Variants in RNPC3 observed in about 807,000 individuals in gnomAD.
The protein encoded by RNPC3 is RNA binding region (RNP1, RRM) containing 3, also known as RNA-binding region-containing protein 3.
A neutral mutation model predicts 67.5 loss-of-function variants in RNPC3; 48 were observed. The observed-to-expected ratio is 0.71, with a 90% confidence interval of 0.56 to 0.90. The LOEUF (loss-of-function observed/expected upper bound fraction) is 0.90. Ranked by LOEUF, RNPC3 falls within the 40% of genes least tolerant of loss-of-function variation. The pLI is 0.00. For synonymous variants in RNPC3, 239 were observed against 210.3 expected (o/e 1.14, Z -1.18); for missense variants, 637 against 626.1 (o/e 1.02, Z -0.19).
intron 2 of RNPC3, among the ~76,000 whole-genome samples, chr1:103,529,759 G>T (rs1650801663): frequency 6.6e-6 from 1 of 152,156 alleles, no homozygotes; most frequent in Admixed American, 6.5e-5. Flanking sequence ...ATGATGTAAG[G>T]CAGGGATCCT....
rs1557756569 is a variant in RNPC3, at chr1:103,533,825, A to G, written c.327A>G (p.Pro109=). 13 of 1,527,062 alleles carry G rather than the reference A, an allele frequency of 8.5e-6. No homozygotes were observed. Among genetic ancestry groups the G allele is most frequent in the Non-Finnish European group, 1.1e-5 (12 of 1,138,816 alleles). The allele number at this position is 1,527,062 out of a possible 1,614,324, so 94.6% of individuals were successfully genotyped here. ...FAKEQDRVHS[P]CPTSGSEKKK... is the part of the protein sequence containing the mutation. The stretch of plus-strand genomic sequence containing the variant: ...AAGAGCAAGATCGAGTTCACTCCCC[A>G]TGTCCCACTTCAGGCTCTGAAAAAA... Residue 109 remains proline, a synonymous_variant, in exon 3 of 15, where the codon CCA becomes CCG. Coordinates refer to ENST00000423855, the MANE Select transcript of RNPC3 (RefSeq NM_017619.4).
chr1:103,532,018 T>C (rs1292788814), intron 2 of RNPC3, among the ~76,000 whole-genome samples: 2 of 152,116 alleles, frequency 1.3e-5, no homozygotes, highest in Non-Finnish European at 2.9e-5. Context: ...AGGTGAGAGA[T>C]GAGGATCCAG....
intron 12 of RNPC3, among the ~76,000 whole-genome samples, chr1:103,549,639 C>G (rs1192674101): frequency 1.3e-5 from 2 of 152,066 alleles, no homozygotes; most frequent in African/African-American, 4.8e-5. Context: ...TTCTAAGTAG[C>G]TTTTGACTAT....
chr1:103,541,421 G>GA lies in RNPC3; in HGVS notation c.845dup (p.Arg283GlufsTer29). 2 of 1,492,386 alleles carry GA rather than the reference G, an allele frequency of 1.3e-6. No individual in the cohort carries two copies. The highest frequency in any genetic ancestry group is 1.8e-6 in the Non-Finnish European group (2 of 1,132,426). 92.4% of individuals were successfully genotyped at this position (1,492,386 alleles called of 1,614,324 possible). ...AAAACAATAAAGCAGCGCCATGTGA[G>GA]AAAAAAGAGAAAAATAAAGGATATG... is the stretch of plus-strand genomic sequence containing the variant. On this transcript the variant is annotated frameshift_variant, in exon 8 of 15. Coordinates refer to ENST00000423855, the MANE Select transcript of RNPC3 (RefSeq NM_017619.4). LOFTEE classifies it high-confidence loss of function.
chr1:103,542,660 G>A (rs1651149465), intron 8 of RNPC3, among the ~76,000 whole-genome samples: 1 of 151,620 alleles, frequency 6.6e-6, no homozygotes, highest in Admixed American at 6.6e-5. Flanking sequence ...AATGATACTT[G>A]TTTTATACAT....
At chr1:103,551,333 A>G (rs1651382086) in intron 13 of RNPC3, 1 of 423,176 alleles carries the variant, frequency 2.4e-6, no homozygotes, top group Non-Finnish European at 4.2e-6. Flanking sequence ...GTACATAGGC[A>G]TGCTAAGAGA....
intron 12 of RNPC3, among the ~76,000 whole-genome samples, chr1:103,548,091 CT>C (rs776035958): frequency 5.6e-4 from 86 of 152,308 alleles, no homozygotes; most frequent in Non-Finnish European, 1.1e-3. Context: ...CACAGGGACC[CT>C]GGGCCCGGCC....
In RNPC3 at chr1:103,535,458, T is replaced by G. The variant is rs1030071517; in HGVS notation, c.555+17T>G. 3 of 1,470,878 alleles carry G rather than the reference T, an allele frequency of 2.0e-6. No individual in the cohort carries two copies. Among genetic ancestry groups the G allele is most frequent in the Non-Finnish European group, 2.8e-6 (3 of 1,090,420 alleles). The allele number at this position is 1,470,878 out of a possible 1,614,324, so 91.1% of individuals were successfully genotyped here. A position where few individuals can be genotyped will look rare whatever the true frequency, so the allele number is the denominator to read the frequency against. On this transcript the variant is annotated intron_variant, in intron 5 of 14. Transcript: ENST00000423855. ...TATGTACAGGTAAGTAGAATAAAAC[T>G]TTTCCTAAAAGGACTTGTTGTATAG... is the stretch of plus-strand genomic sequence containing the variant.
chr1:103,543,235 A>G, intron 8 of RNPC3, 61 bp from the exon 9 acceptor site: 2 of 1,179,166 alleles, frequency 1.7e-6, no homozygotes, highest in Non-Finnish European at 2.2e-6. Context: ...AACTTGAAAT[A>G]ATATTTTACT....
At chr1:103,532,539 A>C (rs1352961540) in intron 2 of RNPC3, among the ~76,000 whole-genome samples, 1 of 152,124 alleles carries the variant, frequency 6.6e-6, no homozygotes, top group Non-Finnish European at 1.5e-5. Context: ...ATACAGATTT[A>C]AAGTTCGGAT....
intron 9 of RNPC3, 91 bp downstream of exon 9, chr1:103,543,538 T>A: frequency 1.0e-6 from 1 of 972,322 alleles, no homozygotes; most frequent in Non-Finnish European, 1.4e-6. Flanking sequence ...TTAGTATTTG[T>A]CAACTTTATT....
Position 103,533,663 on chromosome 1 carries a change from A to AAG in RNPC3, c.241-75_241-74dup. The stretch of plus-strand genomic sequence containing the variant: ...TTACAGCATTAGCAAAAAAAAAAAA[A>AAG]AGTATAAAAATTGGTCTCTAACGAA... On this transcript the variant is annotated intron_variant, in intron 2 of 14. Coordinates refer to ENST00000423855, the MANE Select transcript of RNPC3 (RefSeq NM_017619.4). 3.9e-6 allele frequency: 3 copies of AAG among 766,404 alleles called. No homozygotes were observed. In the South Asian group the frequency reaches 4.9e-5, roughly 13 times the overall value. 47.5% of individuals were successfully genotyped at this position (766,404 alleles called of 1,614,324 possible).
chr1:103,526,282 G>C lies in RNPC3; in HGVS notation c.192+20G>C. On this transcript the variant is annotated intron_variant, in intron 1 of 14. Transcript: ENST00000423855. ...CGACTGGTAAGGGCGCGCCCCTCCG[G>C]AGTCTCCCGGGAAGGCATTTGGGAA... The C allele has an allele frequency of 1.3e-6, 2 of 1,513,664 alleles. No individual in the cohort carries two copies. Among genetic ancestry groups the C allele is most frequent in the Non-Finnish European group, 1.8e-6 (2 of 1,124,516 alleles). 93.8% of individuals were successfully genotyped at this position (1,513,664 alleles called of 1,614,324 possible). A position where few individuals can be genotyped will look rare whatever the true frequency, so the allele number is the denominator to read the frequency against.
chr1:103,541,266 C>A, intron 7 of RNPC3, 84 bp from the exon 8 acceptor site: 1 of 996,440 alleles, frequency 1.0e-6, no homozygotes, highest in Non-Finnish European at 1.4e-6. Flanking sequence ...CACCAAAATA[C>A]AAATTTAACG....
chr1:103,532,166 C>T (rs1650874884), intron 2 of RNPC3, among the ~76,000 whole-genome samples: 1 of 152,142 alleles, frequency 6.6e-6, no homozygotes, highest in African/African-American at 2.4e-5. Flanking sequence ...TCTGTGTTCT[C>T]TATTCTGTTC....
chr1:103,545,131 A>G (rs557934625), intron 10 of RNPC3, 29 bp downstream of exon 10: 1 of 1,504,890 alleles, frequency 6.6e-7, no homozygotes, highest in South Asian at 1.3e-5. Flanking sequence ...CTAAGCACAT[A>G]TTCCATTTTA....
chr1:103,541,298 A>G (rs1328180929), intron 7 of RNPC3, 52 bp from the exon 8 acceptor site: 4 of 1,358,022 alleles, frequency 2.9e-6, no homozygotes, highest in Non-Finnish European at 3.9e-6. Flanking sequence ...AGTGGTAAAT[A>G]GCTATGCTTC....
chr1:103,543,186 T>G, intron 8 of RNPC3, 110 bp from the exon 9 acceptor site: 1 of 707,454 alleles, frequency 1.4e-6, no homozygotes, highest in Non-Finnish European at 2.1e-6. Flanking sequence ...AAAAGTGTAG[T>G]GAGTCCTTTA....
intron 9 of RNPC3, among the ~76,000 whole-genome samples, chr1:103,543,761 C>T (rs1477519238): frequency 6.6e-6 from 1 of 151,432 alleles, no homozygotes; most frequent in Non-Finnish European, 1.5e-5. Flanking sequence ...TGTTTCATGC[C>T]GTGGCCTATG....
Sources: allele counts gnomAD v4.1 joint callset (sites outside exome capture counted in the v4.1 genomes callset), GRCh38; gene constraint gnomAD v4.1.1; transcripts MANE v1.5; gene names NCBI Gene and HGNC (gene_info 2026-07-23, HGNC 2026-07-21).